The following SAMD12 variants were observed in gnomAD, a reference collection of about 807,000 sequenced individuals.
The protein encoded by SAMD12 is sterile alpha motif domain-containing protein 12.
A neutral mutation model predicts 15.0 loss-of-function variants in SAMD12; 9 were observed. That is an observed-to-expected ratio of 0.60 (90% CI 0.36 to 1.05). The LOEUF is 1.05. Among genes scored for constraint, SAMD12 ranks in the 50% least tolerant of loss-of-function variants. The pLI is 0.01. For synonymous variants in SAMD12, 86 were observed against 90.1 expected, an observed-to-expected ratio of 0.96 and a Z score of 0.25; for missense variants, 230 against 234.2, an observed-to-expected ratio of 0.98 and a Z score of 0.12.
intron 1 of SAMD12, among the ~76,000 whole-genome samples, chr8:118,617,828 C>T (rs940620690): frequency 2.0e-5 from 3 of 152,066 alleles, no homozygotes; most frequent in Admixed American, 6.5e-5. Flanking sequence ...AAGATGAATA[C>T]GACACTGTCC....
chr8:118,192,782 G>T (rs953740884), exon 5 of SAMD12: 3 of 152,132 alleles, frequency 2.0e-5, no homozygotes, highest in Non-Finnish European at 4.4e-5. Context: ...ATGTCAACCA[G>T]CCAATGGTAA....
At chr8:118,139,274 G>C in the SAMD12 span, among the ~76,000 whole-genome samples, 1 of 151,520 alleles carries the variant, frequency 6.6e-6, no homozygotes, top group Non-Finnish European at 1.5e-5. Flanking sequence ...ATGATAAAGG[G>C]AAATGGCAAA....
chr8:118,433,331 C>T (rs1822470635), intron 3 of SAMD12, among the ~76,000 whole-genome samples: 1 of 152,070 alleles, frequency 6.6e-6, no homozygotes, highest in South Asian at 2.1e-4. Context: ...ATTACATTCT[C>T]CAAAGACTTT....
chr8:118,200,790 A>G (rs1819693982), intron 4 of SAMD12, among the ~76,000 whole-genome samples: 1 of 152,202 alleles, frequency 6.6e-6, no homozygotes, highest in African/African-American at 2.4e-5. Flanking sequence ...ACGTGGTGAA[A>G]GTAGGCCTTG....
chr8:118,292,357 C>G (rs796960414), intron 4 of SAMD12, among the ~76,000 whole-genome samples: 1 of 136,092 alleles, frequency 7.3e-6, no homozygotes, highest in Admixed American at 6.9e-5. Flanking sequence ...CAGACACACA[C>G]ACACACACAC....
intron 3 of SAMD12, among the ~76,000 whole-genome samples, chr8:118,428,892 T>C (rs1822316111): frequency 6.6e-6 from 1 of 152,200 alleles, no homozygotes; most frequent in Admixed American, 6.5e-5. Context: ...CAAAAGTTTG[T>C]TCTTTTTCTA....
chr8:118,516,537 T>TAA (rs1171978672), intron 2 of SAMD12, among the ~76,000 whole-genome samples: 1 of 152,212 alleles, frequency 6.6e-6, no homozygotes, highest in Non-Finnish European at 1.5e-5. Flanking sequence ...TCTCCTTTCT[T>TAA]AGACTGTAAA....
chr8:118,441,951 GAC>G (rs1205649428), intron 2 of SAMD12, among the ~76,000 whole-genome samples: 1 of 152,104 alleles, frequency 6.6e-6, no homozygotes, highest in African/African-American at 2.4e-5. Context: ...GGTCTCAGTT[GAC>G]AGTCATCACC....
At chr8:118,158,382 G>A in the SAMD12 span, among the ~76,000 whole-genome samples, 1 of 152,246 alleles carries the variant, frequency 6.6e-6, no homozygotes, top group South Asian at 2.1e-4. Context: ...AGCTGCAATG[G>A]TGGAGGTGCT....
At chr8:118,136,759 T>A in the SAMD12 span, among the ~76,000 whole-genome samples, 1 of 152,204 alleles carries the variant, frequency 6.6e-6, no homozygotes, top group Non-Finnish European at 1.5e-5. Flanking sequence ...GGGGAGTCAC[T>A]TTAATGTCTG....
chr8:118,295,637 C>CT (rs1814664408), intron 4 of SAMD12: 1 of 148,708 alleles, frequency 6.7e-6, no homozygotes. Flanking sequence ...ATAACCCCAG[C>CT]TGTCACTGAT....
At chr8:118,507,991 C>CTTTTT (rs11384671) in intron 2 of SAMD12, among the ~76,000 whole-genome samples, 17,988 of 108,200 alleles carry the variant, frequency 0.17, 1,773 homozygotes, top group South Asian at 0.33. Flanking sequence ...GTATAATCTC[C>CTTTTT]TTTTTTTTTT....
intron 2 of SAMD12, among the ~76,000 whole-genome samples, chr8:118,489,151 G>A (rs1032815304): frequency 6.6e-6 from 1 of 152,130 alleles, no homozygotes; most frequent in Non-Finnish European, 1.5e-5. Context: ...CTTTTGTGAA[G>A]TGCCTGTTCA....
intron 2 of SAMD12, among the ~76,000 whole-genome samples, chr8:118,540,968 A>T (rs1401980309): frequency 6.6e-6 from 1 of 152,212 alleles, no homozygotes; most frequent in African/African-American, 2.4e-5. Flanking sequence ...TCAGAAGATG[A>T]AATGATGCTG....
At chr8:118,426,138 TA>T (rs1296884982) in intron 3 of SAMD12, among the ~76,000 whole-genome samples, 2 of 152,234 alleles carry the variant, frequency 1.3e-5, no homozygotes, top group Non-Finnish European at 2.9e-5. Flanking sequence ...GTGGTGTCAT[TA>T]AATGATTATC....
At chr8:118,461,529 T>G (rs192898122) in intron 2 of SAMD12, among the ~76,000 whole-genome samples, 12 of 146,448 alleles carry the variant, frequency 8.2e-5, no homozygotes, top group African/African-American at 2.4e-4. Flanking sequence ...ATCATGACTT[T>G]GAGGTAGACA....
At chr8:118,468,299 T>C (rs1341065952) in intron 2 of SAMD12, among the ~76,000 whole-genome samples, 2 of 151,820 alleles carry the variant, frequency 1.3e-5, no homozygotes, top group Admixed American at 1.3e-4. Flanking sequence ...CAAGGAGAGA[T>C]GGGTTTTTTT....
chr8:118,172,250 A>G, the SAMD12 span, among the ~76,000 whole-genome samples: 2 of 151,144 alleles, frequency 1.3e-5, no homozygotes, highest in Non-Finnish European at 2.9e-5. Flanking sequence ...AACTTAAAGT[A>G]AAATTAAAAA....
At chr8:118,587,501 C>T (rs1359696964) in intron 1 of SAMD12, among the ~76,000 whole-genome samples, 1 of 152,170 alleles carries the variant, frequency 6.6e-6, no homozygotes, top group African/African-American at 2.4e-5. Flanking sequence ...TCCCTTGCAG[C>T]TACAAGTGAG....
Sources: gnomAD v4.1 joint callset for allele counts (sites outside exome capture counted in the v4.1 genomes callset) on GRCh38, gnomAD v4.1.1 for gene constraint, MANE v1.5 for transcripts, NCBI Gene and HGNC (gene_info 2026-07-23, HGNC 2026-07-21) for gene names.